Variants in NR6A1 observed in about 807,000 individuals in gnomAD.
NR6A1 encodes the protein nuclear receptor subfamily 6 group A member 1.
Under a neutral mutation model 59.1 loss-of-function variants are expected in NR6A1, and 7 were observed. That is an observed-to-expected ratio of 0.12 (90% CI 0.07 to 0.22). The LOEUF is 0.22. Among genes scored for constraint, NR6A1 ranks in the 10% least tolerant of loss-of-function variants. NR6A1 has a pLI of 1.00. For missense variants in NR6A1, 468 were observed against 611.6 expected (o/e 0.77, Z 2.48); for synonymous variants, 243 against 236.1 (o/e 1.03, Z -0.27).
intron 2 of NR6A1, among the ~76,000 whole-genome samples, chr9:124,570,806 T>C (rs1264883138): frequency 1.3e-5 from 2 of 152,182 alleles, no homozygotes; most frequent in Non-Finnish European, 2.9e-5. Flanking sequence ...GGAAAAAATA[T>C]ACAGGCATTT....
At chr9:124,574,994 C>T (rs1834548087) in intron 2 of NR6A1, among the ~76,000 whole-genome samples, 1 of 152,194 alleles carries the variant, frequency 6.6e-6, no homozygotes, top group Non-Finnish European at 1.5e-5. Context: ...TGATTCACAT[C>T]CTGTAATGGT....
chr9:124,754,924 A>G (rs1413713916), intron 1 of NR6A1, among the ~76,000 whole-genome samples: 1 of 151,942 alleles, frequency 6.6e-6, no homozygotes, highest in Non-Finnish European at 1.5e-5. Flanking sequence ...ACCACCCTCC[A>G]CCCAGTATCT....
rs760704517 is a variant in NR6A1, at chr9:124,536,099, C to G, written c.858G>C (p.Leu286=). The change falls in exon 7 of 10, where the codon CTG becomes CTC. Residue 286 remains leucine (L), a synonymous_variant. Coordinates refer to ENST00000487099, the MANE Select transcript of NR6A1 (RefSeq NM_033334.4). ...YAVTQAELFA[L]LCRLADELLF... Reference sequence around the variant, plus strand: ...GCAGCTCGTCGGCCAGGCGGCAAAGCAGGGCAAATAGTTCTGCCTGTGTCA... The same window carrying G: ...GCAGCTCGTCGGCCAGGCGGCAAAGGAGGGCAAATAGTTCTGCCTGTGTCA... 3.1e-5 allele frequency: 50 copies of G among 1,613,938 alleles called. No individual in the cohort carries two copies. Among genetic ancestry groups the G allele is most frequent in the African/African-American group, 5.3e-5 (4 of 74,930 alleles).
intron 1 of NR6A1, among the ~76,000 whole-genome samples, chr9:124,737,057 T>C (rs1040343750): frequency 2.0e-5 from 3 of 152,156 alleles, no homozygotes; most frequent in Admixed American, 6.5e-5. Context: ...AACCCTAATA[T>C]CACTAATGTC....
intron 2 of NR6A1, among the ~76,000 whole-genome samples, chr9:124,593,778 A>G (rs1353636311): frequency 6.6e-6 from 1 of 152,154 alleles, no homozygotes; most frequent in Non-Finnish European, 1.5e-5. Context: ...AAGTGTGCAC[A>G]ATGGCCTCTC....
intron 2 of NR6A1, among the ~76,000 whole-genome samples, chr9:124,585,765 G>A (rs1350236329): frequency 6.6e-6 from 1 of 152,088 alleles, no homozygotes; most frequent in Non-Finnish European, 1.5e-5. Context: ...TGACTCTCTT[G>A]CTAGAAGCTA....
At chr9:124,636,161 G>A (rs1836605088) in intron 2 of NR6A1, among the ~76,000 whole-genome samples, 2 of 152,232 alleles carry the variant, frequency 1.3e-5, no homozygotes, top group Non-Finnish European at 2.9e-5. Context: ...TGTCTTTGGT[G>A]AGGTATCTGT....
At chr9:124,622,415 GTTTC>G (rs1239672177) in intron 2 of NR6A1, among the ~76,000 whole-genome samples, 1 of 152,152 alleles carries the variant, frequency 6.6e-6, no homozygotes, top group Non-Finnish European at 1.5e-5. Flanking sequence ...AAACAGCAAA[GTTTC>G]TTTGACATTT....
At chr9:124,602,705 T>C (rs1023231792) in intron 2 of NR6A1, among the ~76,000 whole-genome samples, 2 of 152,288 alleles carry the variant, frequency 1.3e-5, no homozygotes, top group Non-Finnish European at 2.9e-5. Flanking sequence ...AGAACTCAGT[T>C]CTACGTGAGA....
At chr9:124,658,525 T>C (rs1331238401) in intron 2 of NR6A1, 1 of 152,174 alleles carries the variant, frequency 6.6e-6, no homozygotes, top group Non-Finnish European at 1.5e-5. Context: ...GACAAACTCA[T>C]TTCTCTACTG....
intron 2 of NR6A1, among the ~76,000 whole-genome samples, chr9:124,699,938 C>T (rs958890236): frequency 1.3e-5 from 2 of 152,020 alleles, no homozygotes; most frequent in Middle Eastern, 6.8e-3. Context: ...CTCACTGCAA[C>T]CTCTACCTCC....
intron 2 of NR6A1, among the ~76,000 whole-genome samples, chr9:124,645,615 C>G (rs4836985): frequency 3.3e-5 from 5 of 151,864 alleles, no homozygotes; most frequent in Admixed American, 2.6e-4. Flanking sequence ...TGTGTATGCA[C>G]CTAGTAACAG....
At chr9:124,732,822 G>A (rs1247793828) in intron 2 of NR6A1, among the ~76,000 whole-genome samples, 1 of 151,120 alleles carries the variant, frequency 6.6e-6, no homozygotes, top group Non-Finnish European at 1.5e-5. Context: ...TCAGCCTCCC[G>A]AGTAGCTGGG....
chr9:124,706,776 A>G (rs959949658), intron 2 of NR6A1, among the ~76,000 whole-genome samples: 2 of 152,156 alleles, frequency 1.3e-5, no homozygotes, highest in Admixed American at 6.5e-5. Context: ...TCAGCCTCCC[A>G]AAGTGCTGAT....
intron 2 of NR6A1, among the ~76,000 whole-genome samples, chr9:124,645,990 A>T (rs1267195926): frequency 6.6e-6 from 1 of 152,254 alleles, no homozygotes; most frequent in Non-Finnish European, 1.5e-5. Flanking sequence ...CAAATACATA[A>T]AGATTAAACA....
At chr9:124,583,244 T>G (rs1238564193) in intron 2 of NR6A1, among the ~76,000 whole-genome samples, 1 of 152,004 alleles carries the variant, frequency 6.6e-6, no homozygotes, top group Non-Finnish European at 1.5e-5. Flanking sequence ...TTCCATTCAT[T>G]AAGAAAATAC....
intron 1 of NR6A1, among the ~76,000 whole-genome samples, chr9:124,769,189 T>C (rs1281701178): frequency 6.6e-6 from 1 of 151,226 alleles, no homozygotes; most frequent in Non-Finnish European, 1.5e-5. Flanking sequence ...CATTCAGAAA[T>C]TAGTTGCCAA....
intron 2 of NR6A1, among the ~76,000 whole-genome samples, chr9:124,681,248 T>C (rs1247263019): frequency 6.6e-6 from 1 of 152,150 alleles, no homozygotes; most frequent in Non-Finnish European, 1.5e-5. Context: ...CTTGGGTATC[T>C]GATGGATATT....
At chr9:124,586,268 A>T (rs561574102) in intron 2 of NR6A1, among the ~76,000 whole-genome samples, 1 of 152,274 alleles carries the variant, frequency 6.6e-6, no homozygotes, top group African/African-American at 2.4e-5. Flanking sequence ...TTATGACCTC[A>T]TAGGAGGTCA....
Sources: allele counts gnomAD v4.1 joint callset (sites outside exome capture counted in the v4.1 genomes callset), GRCh38; gene constraint gnomAD v4.1.1; transcripts MANE v1.5; gene names NCBI Gene and HGNC (gene_info 2026-07-23, HGNC 2026-07-21).